CNTN4: variants seen among roughly 807,000 people sequenced by gnomAD.
CNTN4 encodes contactin 4.
A neutral mutation model predicts 122.5 loss-of-function variants in CNTN4; 77 were observed. The ratio of observed to expected loss-of-function variants is 0.63; its 90% CI spans 0.52 to 0.76. CNTN4 has a LOEUF of 0.76. Among genes scored for constraint, CNTN4 ranks in the 30% least tolerant of loss-of-function variants. The pLI, the probability that CNTN4 is intolerant of heterozygous loss-of-function variation, is 0.00. For synonymous variants in CNTN4, 512 were observed against 447.0 expected (o/e 1.15, Z -1.83); for missense variants, 1,256 against 1,259.1 (o/e 1.00, Z 0.04).
chr3:2,127,668 A>G (rs1019617391), intron 2 of CNTN4, among the ~76,000 whole-genome samples: 2 of 152,194 alleles, frequency 1.3e-5, no homozygotes, highest in Admixed American at 6.5e-5. Flanking sequence ...ATCAGATTCC[A>G]TATTGGAAAT....
chr3:2,262,908 T>G (rs2040891782), intron 2 of CNTN4, among the ~76,000 whole-genome samples: 1 of 152,136 alleles, frequency 6.6e-6, no homozygotes, highest in Admixed American at 6.6e-5. Context: ...TTTGTCCTCA[T>G]GATTGCAGAT....
intron 12 of CNTN4, among the ~76,000 whole-genome samples, chr3:2,922,224 C>A (rs916148498): frequency 6.6e-6 from 1 of 152,130 alleles, no homozygotes; most frequent in East Asian, 1.9e-4. Context: ...TAAGTGCCAG[C>A]GAAGGTTAGA....
At chr3:2,623,935 A>G (rs953156079) in intron 4 of CNTN4, among the ~76,000 whole-genome samples, 1 of 152,146 alleles carries the variant, frequency 6.6e-6, no homozygotes, top group Non-Finnish European at 1.5e-5. Flanking sequence ...TTCATTTACC[A>G]TTTACTGAAA....
chr3:2,635,056 T>TGTA (rs2082604498), intron 4 of CNTN4, among the ~76,000 whole-genome samples: 1 of 152,160 alleles, frequency 6.6e-6, no homozygotes, highest in Non-Finnish European at 1.5e-5. Flanking sequence ...CGGAACCATC[T>TGTA]AGGGGAATTT....
At chr3:2,347,078 G>GACA (rs2044423373) in intron 3 of CNTN4, among the ~76,000 whole-genome samples, 1 of 151,998 alleles carries the variant, frequency 6.6e-6, no homozygotes, top group Admixed American at 6.6e-5. Flanking sequence ...TTTTAAATTT[G>GACA]TTGTTCATCA....
At chr3:2,328,778 A>C (rs11713724) in intron 2 of CNTN4, among the ~76,000 whole-genome samples, 19,862 of 152,198 alleles carry the variant, frequency 0.13, 1,621 homozygotes, top group Non-Finnish European at 0.18. Context: ...TTTAAAATAT[A>C]CTGGAGGGTG....
intron 13 of CNTN4, among the ~76,000 whole-genome samples, chr3:2,945,296 A>G (rs1379825423): frequency 6.6e-6 from 1 of 152,166 alleles, no homozygotes; most frequent in African/African-American, 2.4e-5. Context: ...GCCCGGAGGA[A>G]TCTGTCTGAA....
chr3:2,785,158 G>T (rs879840218), intron 6 of CNTN4, among the ~76,000 whole-genome samples: 3,560 of 148,878 alleles, frequency 0.024, 52 homozygotes, highest in South Asian at 0.028. Context: ...GAGAGAGAGA[G>T]AGAGAGAGAG....
chr3:2,762,683 T>C (rs1310190168), intron 6 of CNTN4, among the ~76,000 whole-genome samples: 1 of 152,196 alleles, frequency 6.6e-6, no homozygotes, highest in African/African-American at 2.4e-5. Flanking sequence ...TTCCTTTGGG[T>C]ATATACACAG....
At chr3:3,030,781 C>A in intron 15 of CNTN4, 74 bp from the exon 16 acceptor site, 2 of 1,509,564 alleles carry the variant, frequency 1.3e-6, no homozygotes, top group Non-Finnish European at 1.8e-6. Context: ...CATTAGTCAC[C>A]GTGTCCTTCA....
At chr3:2,887,917 C>G (rs2093997038) in intron 10 of CNTN4, among the ~76,000 whole-genome samples, 1 of 152,134 alleles carries the variant, frequency 6.6e-6, no homozygotes, top group South Asian at 2.1e-4. Context: ...ATTTTGAAAG[C>G]AAACTGAGTT....
intron 2 of CNTN4, among the ~76,000 whole-genome samples, chr3:2,117,782 A>T (rs1038304418): frequency 1.3e-5 from 2 of 152,212 alleles, no homozygotes; most frequent in African/African-American, 4.8e-5. Flanking sequence ...TTTATTAGAC[A>T]CGCAGGGTTT....
intron 2 of CNTN4, among the ~76,000 whole-genome samples, chr3:2,237,785 T>G (rs547873826): frequency 7.1e-4 from 108 of 152,312 alleles, no homozygotes; most frequent in African/African-American, 2.5e-3. Flanking sequence ...CTGATGAAAT[T>G]TATCCTTTAA....
chr3:2,241,510 C>T (rs1299240592), intron 2 of CNTN4, among the ~76,000 whole-genome samples: 1 of 152,124 alleles, frequency 6.6e-6, no homozygotes, highest in Non-Finnish European at 1.5e-5. Context: ...CCCTTCCTTC[C>T]AGTTCTTACC....
chr3:2,816,711 C>T (rs1365966188), intron 6 of CNTN4, among the ~76,000 whole-genome samples: 1 of 151,110 alleles, frequency 6.6e-6, no homozygotes, highest in Non-Finnish European at 1.5e-5. Context: ...GTCCCAGCTA[C>T]TCAGGAGGCT....
chr3:3,006,467 T>C (rs1696659218), intron 14 of CNTN4, among the ~76,000 whole-genome samples: 1 of 152,206 alleles, frequency 6.6e-6, no homozygotes, highest in South Asian at 2.1e-4. Context: ...AAGGTCCCTT[T>C]GCGATTTTTG....
chr3:2,878,786 T>C (rs2150949368), intron 8 of CNTN4, among the ~76,000 whole-genome samples: 1 of 152,282 alleles, frequency 6.6e-6, no homozygotes, highest in African/African-American at 2.4e-5. Context: ...TGGTGTAATA[T>C]GTTTTGCCAT....
At chr3:2,169,496 T>C (rs187627020) in intron 2 of CNTN4, among the ~76,000 whole-genome samples, 3,577 of 151,592 alleles carry the variant, frequency 0.024, 153 homozygotes, top group African/African-American at 0.079. Flanking sequence ...AAGCTCCGCC[T>C]CCCGGGTTCC....
chr3:2,600,811 C>T (rs1369149263), intron 4 of CNTN4, among the ~76,000 whole-genome samples: 1 of 152,078 alleles, frequency 6.6e-6, no homozygotes, highest in Non-Finnish European at 1.5e-5. Context: ...GTTTACAGTC[C>T]CACCAACAGT....
Sources: allele counts gnomAD v4.1 joint callset (sites outside exome capture counted in the v4.1 genomes callset), GRCh38; gene constraint gnomAD v4.1.1; transcripts MANE v1.5; gene names NCBI Gene and HGNC (gene_info 2026-07-23, HGNC 2026-07-21).